The following NAPRT variants were observed in gnomAD, a reference collection of about 807,000 sequenced individuals.
NAPRT encodes FHA-HIT-interacting protein.
A neutral mutation model predicts 60.7 loss-of-function variants in NAPRT; 66 were observed. That is an observed-to-expected ratio of 1.09 (90% CI 0.89 to 1.33). NAPRT has a LOEUF of 1.33. NAPRT is among the 40% of genes most tolerant of loss of function. The probability of loss-of-function intolerance (pLI) is 0.00; values close to 1 mark genes in which losing one functional copy is unlikely to be tolerated. For synonymous variants in NAPRT, 405 were observed against 335.7 expected, an observed-to-expected ratio of 1.21 and a Z score of -2.26; for missense variants, 818 against 731.5, an observed-to-expected ratio of 1.12 and a Z score of -1.36.
Position 143,575,625 on chromosome 8 carries a change from A to G in NAPRT, c.1185T>C (p.Tyr395=). ...CPQQPSLGGV[Y]KLVAVGGQPR... is the part of the protein sequence containing the mutation. Reference sequence around the variant, plus strand: ...GGGCCCCCGACACTGTCCCTACCTTATAGACGCCACCCAGGGAAGGCTGTT... The same window carrying G: ...GGGCCCCCGACACTGTCCCTACCTTGTAGACGCCACCCAGGGAAGGCTGTT... Residue 395 remains tyrosine (Y), a synonymous_variant, in exon 9 of 13, where the codon TAT becomes TAC. Transcript: ENST00000449291. The G allele has an allele frequency of 6.3e-7, 1 of 1,593,870 alleles. No homozygotes were observed. Among genetic ancestry groups the G allele is most frequent in the Non-Finnish European group, 8.5e-7 (1 of 1,170,922 alleles).
At position 143,577,913 on chromosome 8, in the gene NAPRT, G is replaced by C. The variant is rs763849376; in HGVS notation, c.257C>G (p.Pro86Arg). Residue 86 changes from proline to arginine, a missense_variant, in exon 2 of 13, where the codon CCA becomes CGA. Transcript: ENST00000449291. ...CTCGAAGAACGCAGGATCCGTGTCT[G>C]GGGGCAGCACCGAGGCCAGGAACTG... ...DVQFLASVLPPDTDPAFFEHL... is the reference protein window; with the variant it reads ...DVQFLASVLPRDTDPAFFEHL... 3 of 1,611,854 alleles carry C rather than the reference G, an allele frequency of 1.9e-6. No individual in the cohort carries two copies. In the African/African-American group the frequency reaches 4.0e-5, roughly 21 times the overall value.
intron 8 of NAPRT, 104 bp from the exon 9 acceptor site, chr8:143,575,806 G>T: frequency 1.9e-6 from 1 of 514,412 alleles, no homozygotes; most frequent in Non-Finnish European, 2.9e-6. Context: ...GGGTGGGGAA[G>T]GGGGTGGCAG....
In NAPRT at chr8:143,575,958, G is replaced by A. The variant is rs1449725740; in HGVS notation, c.1107+120C>T. 1.3e-5 allele frequency: 11 copies of A among 839,236 alleles called. No individual in the cohort carries two copies. In the African/African-American group the frequency reaches 1.9e-4, roughly 14 times the overall value. The allele number at this position is 839,236 out of a possible 1,614,324, so 52.0% of individuals were successfully genotyped here. ...GGGGAAGGAGGTGGCAGTGCCCTGG[G>A]TGGGGAAGGGGGTGGCAGTGCCCTG... On this transcript the variant is annotated intron_variant, in intron 8 of 12. Coordinates refer to ENST00000449291, the MANE Select transcript of NAPRT (RefSeq NM_145201.6).
rs896950 is a variant in NAPRT, at chr8:143,578,149, G to T, written c.170C>A (p.Ala57Asp). The change falls in exon 1 of 13, where the codon GCC (alanine) becomes GAC (aspartate). Residue 57 changes from alanine to aspartate, a missense_variant. By Grantham distance (126) the Ala-to-Asp change is moderately radical. Transcript: ENST00000449291. ...GCGCACACAGTCGCGCAAGCCGGCG[G>T]CCAAGGCGAAGGCGCCGCCGAACGG... ...RCPFGGAFAL[A>D]AGLRDCVRFL... 1 of 1,522,624 alleles carries T rather than the reference G, an allele frequency of 6.6e-7. No individual in the cohort carries two copies. The highest frequency in any genetic ancestry group is 2.1e-5 in the Admixed American group (1 of 47,000). The allele number at this position is 1,522,624 out of a possible 1,614,324, so 94.3% of individuals were successfully genotyped here.
rs774367382 is a variant in NAPRT at position 143,575,570 on chromosome 8, C to A, written c.1189-45G>T. On this transcript the variant is annotated intron_variant, in intron 9 of 12. Coordinates refer to ENST00000449291, the MANE Select transcript of NAPRT (RefSeq NM_145201.6). ...AGCTGGCTGGTCCTTATCCCCCACC[C>A]AGCACCATCCCTCAGACCTGCCCCC... The A allele has an allele frequency of 3.0e-5, 47 of 1,592,564 alleles. No individual in the cohort carries two copies. The Middle Eastern group carries it at 7.4e-4, about 25-fold the overall frequency.
intron 3 of NAPRT, 95 bp from the exon 4 acceptor site, chr8:143,577,494 G>A: frequency 6.8e-7 from 1 of 1,476,630 alleles, no homozygotes; most frequent in Non-Finnish European, 9.1e-7. Context: ...CAACCTGGGA[G>A]CTCCACCCTC....
rs202000712 is a variant in NAPRT at position 143,577,190 on chromosome 8, G to C, written c.569-13C>G. The stretch of plus-strand genomic sequence containing the variant: ...CTGCTGTCGAAGCCTGGGGAGGAAG[G>C]CGGTGGGATTGGGGGACCTCGGGCC... On this transcript the variant is annotated splice_polypyrimidine_tract_variant and intron_variant, in intron 4 of 12. Coordinates refer to ENST00000449291, the MANE Select transcript of NAPRT (RefSeq NM_145201.6). 6 of 1,609,934 alleles carry C rather than the reference G, an allele frequency of 3.7e-6. No individual in the cohort carries two copies. The highest frequency in any genetic ancestry group is 5.1e-6 in the Non-Finnish European group (6 of 1,178,026).
rs1406635308 is a variant in NAPRT at position 143,578,187 on chromosome 8, G to A, written c.132C>T (p.Phe44=). Residue 44 remains phenylalanine, a synonymous_variant, in exon 1 of 13, where the codon TTC becomes TTT. Transcript: ENST00000449291. ...CGCCGCCGAACGGGCAGCGGCGGAA[G>A]AAGAGCTCGAACTCGGCGGCGTCCC... ...RARDAAEFEL[F]FRRCPFGGAF... is the part of the protein sequence containing the mutation. 7.3e-6 allele frequency: 11 copies of A among 1,514,560 alleles called. No individual in the cohort carries two copies. Among genetic ancestry groups the A allele is most frequent in the African/African-American group, 7.2e-5 (5 of 69,510 alleles). 93.8% of individuals were successfully genotyped at this position (1,514,560 alleles called of 1,614,324 possible).
rs201030598 is a variant in NAPRT at position 143,576,086 on chromosome 8, C to T, written c.1099G>A (p.Ala367Thr). Residue 367 changes from alanine (A) to threonine (T), a missense_variant, in exon 8 of 13, where the codon GCC becomes ACC. By Grantham distance (58) the Ala-to-Thr change is moderately conservative. Coordinates refer to ENST00000449291, the MANE Select transcript of NAPRT (RefSeq NM_145201.6). The part of the protein sequence containing the change: ...NIDEEALARL[A>T]QEGSEVNVIG... Reference sequence around the variant, plus strand: ...CCACTCATCCACCCCACCTCCTGGGCCAGTCGGGCCAGCGCCTCCTCGTCA... The same window carrying T: ...CCACTCATCCACCCCACCTCCTGGGTCAGTCGGGCCAGCGCCTCCTCGTCA... 318 of 1,594,930 alleles carry T rather than the reference C, an allele frequency of 2.0e-4. 4 individuals carry two copies. The East Asian group carries it at 4.6e-3, about 23-fold the overall frequency.
chr8:143,578,017 GGA>G, intron 1 of NAPRT, 74 bp from the exon 2 acceptor site: 1 of 1,541,806 alleles, frequency 6.5e-7, no homozygotes, highest in African/African-American at 1.4e-5. Context: ...TTCCACGGGG[GGA>G]CAAGGACTTC....
At chr8:143,577,512 C>T (rs1824561338) in intron 3 of NAPRT, 113 bp from the exon 4 acceptor site, 2 of 1,456,358 alleles carry the variant, frequency 1.4e-6, no homozygotes, top group Non-Finnish European at 1.8e-6. Flanking sequence ...CTCACCCAGC[C>T]CCTCCTTACA....
chr8:143,576,695 C>T lies in NAPRT; in HGVS notation c.832G>A (p.Ala278Thr). The change falls in exon 6 of 13, where the codon GCT (alanine) becomes ACT (threonine). Residue 278 changes from alanine (A) to threonine (T), a missense_variant. Physicochemically the swap from Ala to Thr is moderately conservative, Grantham distance 58 (BLOSUM62 0). Coordinates refer to ENST00000449291, the MANE Select transcript of NAPRT (RefSeq NM_145201.6). Reference sequence around the variant, plus strand: ...AGGCCCTGGAAGGCCCGGGGAAAAGCCAAGGCATAGGCCACAAAGGCTGCC... The same window carrying T: ...AGGCCCTGGAAGGCCCGGGGAAAAGTCAAGGCATAGGCCACAAAGGCTGCC... The part of the protein sequence containing the change: ...ERAAFVAYAL[A>T]FPRAFQGLLD... The T allele has an allele frequency of 6.2e-7, 1 of 1,611,148 alleles. No individual in the cohort carries two copies. The highest frequency in any genetic ancestry group is 1.3e-5 in the African/African-American group (1 of 75,008).
downstream of NAPRT, chr8:143,573,903 C>T (rs1263296684): frequency 6.6e-6 from 1 of 152,376 alleles, no homozygotes; most frequent in Non-Finnish European, 1.5e-5. Context: ...CCCGGGGAGC[C>T]AGGTGAGCTG....
chr8:143,576,541 G>A lies in NAPRT; in HGVS notation c.913C>T (p.Leu305=), dbSNP rs872935. The change falls in exon 7 of 13, where the codon CTG becomes TTG. Residue 305 remains leucine (L), a synonymous_variant. Coordinates refer to ENST00000449291, the MANE Select transcript of NAPRT (RefSeq NM_145201.6). ...CGGTAGCCCAGCTCTCCCAGGGCCA[G>A]GGCGACTGCTAGGAAGTTGGGGAGA... ...SGLPNFLAVA[L]ALGELGYRAV... The A allele has an allele frequency of 0.58, 931,559 of 1,610,826 alleles. 278,995 individuals are homozygous for A. Among genetic ancestry groups the A allele is most frequent in the Non-Finnish European group, 0.63 (742,221 of 1,179,086 alleles).
downstream of NAPRT, among the ~76,000 whole-genome samples, chr8:143,574,175 G>A (rs1824255546): frequency 6.6e-6 from 1 of 152,228 alleles, no homozygotes; most frequent in Admixed American, 6.5e-5. Context: ...GTGCCACTCT[G>A]GCCAGGTGTC....
chr8:143,574,252 G>A (rs1476978493), downstream of NAPRT, among the ~76,000 whole-genome samples: 2 of 152,192 alleles, frequency 1.3e-5, no homozygotes, highest in Non-Finnish European at 2.9e-5. Context: ...GTGGGCTGCT[G>A]GGTCAGGAGC....
rs757875183 is a variant in NAPRT, at chr8:143,576,516, C to T, written c.938G>A (p.Arg313Gln). ...ACTGTCCAGCCTCACGCCCACTGCC[C>T]GGTAGCCCAGCTCTCCCAGGGCCAG... ...VALALGELGY[R>Q]AVGVRLDSGD... Residue 313 changes from arginine (R) to glutamine (Q), a missense_variant, in exon 7 of 13, where the codon CGG becomes CAG. Coordinates refer to ENST00000449291, the MANE Select transcript of NAPRT (RefSeq NM_145201.6). The T allele has an allele frequency of 4.3e-5, 69 of 1,612,312 alleles. No homozygotes were observed. Among genetic ancestry groups the T allele is most frequent in the Admixed American group, 6.7e-5 (4 of 59,944 alleles).
rs1288343306 is a variant in NAPRT at position 143,576,114 on chromosome 8, G to A, written c.1071C>T (p.Asn357=). The A allele has an allele frequency of 6.8e-6, 11 of 1,606,418 alleles. No individual in the cohort carries two copies. The African/African-American group carries it at 9.4e-5, about 14-fold the overall frequency. ...LESVLIVVSN[N]IDEEALARLA... ...GTCGGGCCAGCGCCTCCTCGTCAATGTTGTTGCTGACTACGATGAGGACTG... is the reference window on the plus strand; with the variant it reads ...GTCGGGCCAGCGCCTCCTCGTCAATATTGTTGCTGACTACGATGAGGACTG... The change falls in exon 8 of 13, where the codon AAC becomes AAT. Residue 357 remains asparagine (N), a synonymous_variant. Transcript: ENST00000449291.
In NAPRT at chr8:143,575,102, A is replaced by G. The variant is rs1415076633; in HGVS notation, c.1447-9T>C. On this transcript the variant is annotated splice_polypyrimidine_tract_variant and intron_variant, in intron 11 of 12. Transcript: ENST00000449291. ...GGGAGCGGCTCACACAGCTGCAGGGAGGAGGTAAGGAAAGAGAAGCTTGGG... is the reference window on the plus strand; with the variant it reads ...GGGAGCGGCTCACACAGCTGCAGGGGGGAGGTAAGGAAAGAGAAGCTTGGG... 1 of 1,532,378 alleles carries G rather than the reference A, an allele frequency of 6.5e-7. No homozygotes were observed. The highest frequency in any genetic ancestry group is 8.8e-7 in the Non-Finnish European group (1 of 1,135,456). The allele number at this position is 1,532,378 out of a possible 1,614,324, so 94.9% of individuals were successfully genotyped here. A position where few individuals can be genotyped will look rare whatever the true frequency, so the allele number is the denominator to read the frequency against.
Sources: gnomAD v4.1 joint callset for allele counts (sites outside exome capture counted in the v4.1 genomes callset) on GRCh38, gnomAD v4.1.1 for gene constraint, MANE v1.5 for transcripts, NCBI Gene and HGNC (gene_info 2026-07-23, HGNC 2026-07-21) for gene names.